The following CYRIB variants were observed in gnomAD, a reference collection of about 807,000 sequenced individuals.
CYRIB encodes the protein CYFIP related Rac1 interactor B, also known as CYFIP-related Rac1 interactor B.
Under a neutral mutation model 44.2 loss-of-function variants are expected in CYRIB, and 8 were observed. That is an observed-to-expected ratio of 0.18 (90% confidence interval 0.11 to 0.33). CYRIB has a LOEUF of 0.33. CYRIB is among the 10% of genes least tolerant of loss of function. The pLI is 1.00. For missense variants in CYRIB, 185 were observed against 382.8 expected, an observed-to-expected ratio of 0.48 and a Z score of 4.31; for synonymous variants, 131 against 127.2, an observed-to-expected ratio of 1.03 and a Z score of -0.20.
intron 1 of CYRIB, among the ~76,000 whole-genome samples, chr8:130,000,357 A>G (rs2096881500): frequency 1.3e-5 from 2 of 152,196 alleles, no homozygotes; most frequent in African/African-American, 4.8e-5. Flanking sequence ...ATATACACAC[A>G]TCAAAATGAT....
intron 4 of CYRIB, chr8:129,868,802 C>T (rs1201497461): frequency 6.6e-6 from 1 of 150,668 alleles, no homozygotes; most frequent in Non-Finnish European, 1.5e-5. Flanking sequence ...TATAAACAGA[C>T]TTTAGAGAAA....
At chr8:129,978,139 G>A (rs772750167) in intron 1 of CYRIB, among the ~76,000 whole-genome samples, 1 of 151,850 alleles carries the variant, frequency 6.6e-6, no homozygotes, top group Non-Finnish European at 1.5e-5. Context: ...GGTCAATCTT[G>A]CACTCCTGGC....
intron 1 of CYRIB, among the ~76,000 whole-genome samples, chr8:129,999,655 T>C (rs2096862832): frequency 6.6e-6 from 1 of 152,154 alleles, no homozygotes; most frequent in South Asian, 2.1e-4. Flanking sequence ...GGAGACAGAG[T>C]CTCACTCTGT....
At chr8:129,979,505 G>A (rs1276118084) in intron 1 of CYRIB, among the ~76,000 whole-genome samples, 1 of 152,188 alleles carries the variant, frequency 6.6e-6, no homozygotes, top group African/African-American at 2.4e-5. Flanking sequence ...GGATAAGTGA[G>A]AACAGCGCCC....
chr8:129,924,453 G>A (rs1418582349), intron 1 of CYRIB, among the ~76,000 whole-genome samples: 1 of 151,870 alleles, frequency 6.6e-6, no homozygotes, highest in African/African-American at 2.4e-5. Flanking sequence ...CACATTCTTC[G>A]AAAAATTCAT....
intron 1 of CYRIB, among the ~76,000 whole-genome samples, chr8:130,015,331 A>G (rs1355933256): frequency 1.3e-5 from 2 of 152,166 alleles, no homozygotes; most frequent in African/African-American, 2.4e-5. Context: ...GTGACTGGCA[A>G]TGACACTTTC....
chr8:129,923,019 C>T (rs1160125094), intron 1 of CYRIB, among the ~76,000 whole-genome samples: 13 of 149,204 alleles, frequency 8.7e-5, no homozygotes, highest in African/African-American at 2.2e-4. Context: ...CACCTGAGGT[C>T]GGGAGCTCTA....
chr8:129,914,471 T>C (rs1035886996), intron 1 of CYRIB, among the ~76,000 whole-genome samples: 5 of 152,190 alleles, frequency 3.3e-5, no homozygotes, highest in Non-Finnish European at 7.3e-5. Flanking sequence ...ATTCACAATG[T>C]AATGGATAAA....
chr8:129,857,843 A>C (rs1203219035), intron 5 of CYRIB, among the ~76,000 whole-genome samples: 1 of 152,226 alleles, frequency 6.6e-6, no homozygotes, highest in African/African-American at 2.4e-5. Flanking sequence ...ATATTATTAT[A>C]GTCTGTTAAA....
chr8:129,874,302 T>C (rs2058395081), intron 3 of CYRIB, among the ~76,000 whole-genome samples: 1 of 152,098 alleles, frequency 6.6e-6, no homozygotes, highest in Non-Finnish European at 1.5e-5. Flanking sequence ...TTTCAATTGT[T>C]CTTATTGAAG....
intron 1 of CYRIB, among the ~76,000 whole-genome samples, chr8:129,909,590 T>G (rs992869048): frequency 3.9e-5 from 6 of 152,216 alleles, no homozygotes; most frequent in African/African-American, 1.4e-4. Flanking sequence ...ATTTTCTCAC[T>G]GCTGGACATT....
chr8:129,876,121 A>T (rs2059037773), intron 3 of CYRIB, among the ~76,000 whole-genome samples: 1 of 152,032 alleles, frequency 6.6e-6, no homozygotes, highest in Non-Finnish European at 1.5e-5. Context: ...TCAAGAAAAA[A>T]AAAAAAAGGT....
upstream of CYRIB, among the ~76,000 whole-genome samples, chr8:129,941,272 G>GTTTTTTTTTTTTTT (rs551305807): frequency 1.6e-5 from 2 of 124,988 alleles, no homozygotes. Flanking sequence ...AACTGAAGGA[G>GTTTTTTTTTTTTTT]ATTTTTTTTT....
intron 1 of CYRIB, among the ~76,000 whole-genome samples, chr8:129,925,200 C>A (rs768106718): frequency 2.0e-5 from 3 of 152,040 alleles, no homozygotes; most frequent in Admixed American, 6.5e-5. Flanking sequence ...GAGTTCTAGA[C>A]CAGCCTGGCC....
intron 1 of CYRIB, among the ~76,000 whole-genome samples, chr8:129,923,180 T>C (rs943302196): frequency 6.9e-6 from 1 of 145,116 alleles, no homozygotes; most frequent in Non-Finnish European, 1.5e-5. Flanking sequence ...GAGGCAGAGG[T>C]TGTGGTGAGC....
chr8:129,918,092 A>G (rs1475409381), intron 1 of CYRIB, among the ~76,000 whole-genome samples: 1 of 152,116 alleles, frequency 6.6e-6, no homozygotes, highest in Non-Finnish European at 1.5e-5. Context: ...GCCCACCACA[A>G]TTATCCATGG....
intron 5 of CYRIB, among the ~76,000 whole-genome samples, chr8:129,861,949 T>C (rs2049942261): frequency 6.6e-6 from 1 of 152,204 alleles, no homozygotes; most frequent in Non-Finnish European, 1.5e-5. Flanking sequence ...AGTCAAACTT[T>C]TGTGTTCTTA....
intron 1 of CYRIB, among the ~76,000 whole-genome samples, chr8:129,910,477 CTTTTTT>C (rs1171288097): frequency 0.01 from 1,117 of 110,640 alleles, 17 homozygotes; most frequent in African/African-American, 0.036. Context: ...CCTTCTTTCA[CTTTTTT>C]TTTTTTTTTT....
chr8:129,925,602 T>C (rs2087130395), intron 1 of CYRIB, among the ~76,000 whole-genome samples: 1 of 152,154 alleles, frequency 6.6e-6, no homozygotes, highest in East Asian at 1.9e-4. Context: ...CCTCATGTGA[T>C]CTATGGGAAA....
Sources: gnomAD v4.1 joint callset for allele counts (sites outside exome capture counted in the v4.1 genomes callset) on GRCh38, gnomAD v4.1.1 for gene constraint, MANE v1.5 for transcripts, NCBI Gene and HGNC (gene_info 2026-07-23, HGNC 2026-07-21) for gene names.